TRPA1: variants seen among roughly 807,000 people sequenced by gnomAD.
The protein encoded by TRPA1 is ankyrin-like with transmembrane domains 1.
In TRPA1, 129 loss-of-function variants were observed where a neutral mutation model predicts 131.3. The ratio of observed to expected loss-of-function variants is 0.98; its 90% CI spans 0.85 to 1.14. The LOEUF is 1.14. TRPA1 is among the 50% of genes most tolerant of loss of function. The pLI, the probability that TRPA1 is intolerant of heterozygous loss-of-function variation, is 0.00. For synonymous variants in TRPA1, 441 were observed against 451.7 expected, an observed-to-expected ratio of 0.98 and a Z score of 0.30; for missense variants, 1,304 against 1,354.2, an observed-to-expected ratio of 0.96 and a Z score of 0.58.
At chr8:72,083,967 G>C in the TRPA1 span, among the ~76,000 whole-genome samples, 5,843 of 152,008 alleles carry the variant, frequency 0.038, 379 homozygotes, top group African/African-American at 0.13. Flanking sequence ...TCAGTGAGTC[G>C]AAAGCTGGGT....
chr8:72,066,027 C>T (rs1200793103), intron 3 of TRPA1, among the ~76,000 whole-genome samples: 1 of 151,934 alleles, frequency 6.6e-6, no homozygotes, highest in East Asian at 1.9e-4. Context: ...TTTTTTTCTC[C>T]TCCAGTTATT....
At chr8:72,066,641 G>A (rs1463959156) in intron 3 of TRPA1, among the ~76,000 whole-genome samples, 1 of 152,126 alleles carries the variant, frequency 6.6e-6, no homozygotes, top group Non-Finnish European at 1.5e-5. Flanking sequence ...ACGGATTAAG[G>A]GAAATGAGAA....
intron 19 of TRPA1, 123 bp from the exon 20 acceptor site, chr8:72,038,195 CTT>C: frequency 5.2e-6 from 3 of 574,488 alleles, no homozygotes; most frequent in Non-Finnish European, 9.3e-6. Flanking sequence ...ATACTGTCCA[CTT>C]TGAGTTAAAC....
At chr8:72,042,158 G>C (rs1585856658) in intron 17 of TRPA1, among the ~76,000 whole-genome samples, 1 of 151,810 alleles carries the variant, frequency 6.6e-6, no homozygotes, top group South Asian at 2.1e-4. Flanking sequence ...CTTATAAGGA[G>C]TTAATATCCA....
At chr8:72,058,241 A>G (rs1585878900) in intron 8 of TRPA1, among the ~76,000 whole-genome samples, 1 of 152,154 alleles carries the variant, frequency 6.6e-6, no homozygotes, top group East Asian at 1.9e-4. Context: ...TTTTTTTAAA[A>G]ATCCTATTTT....
At chr8:72,073,933 C>T (rs376254660) in intron 1 of TRPA1, among the ~76,000 whole-genome samples, 18 of 152,174 alleles carry the variant, frequency 1.2e-4, no homozygotes, top group Non-Finnish European at 2.9e-5. Flanking sequence ...TGTCAACAGA[C>T]TCACCTTGGG....
chr8:72,064,030 TA>T (rs946819694), intron 4 of TRPA1, among the ~76,000 whole-genome samples: 7 of 152,112 alleles, frequency 4.6e-5, no homozygotes, highest in African/African-American at 1.7e-4. Context: ...GTTTCCTAAC[TA>T]AAAAGATGTT....
upstream of TRPA1, among the ~76,000 whole-genome samples, chr8:72,076,336 C>G (rs1413032131): frequency 1.3e-5 from 2 of 152,158 alleles, no homozygotes; most frequent in Admixed American, 6.5e-5. Flanking sequence ...AAGTGTCAAT[C>G]GAAGTGTCTC....
chr8:72,036,030 AGAAG>A (rs796491422), intron 21 of TRPA1, among the ~76,000 whole-genome samples: 15 of 123,470 alleles, frequency 1.2e-4, no homozygotes, highest in African/African-American at 3.4e-4. Context: ...AAAAAAAAAA[AGAAG>A]AAGAAGAAGA....
At chr8:72,025,895 A>G in intron 25 of TRPA1, 65 bp downstream of exon 25, 1 of 1,397,694 alleles carries the variant, frequency 7.2e-7, no homozygotes, top group South Asian at 1.2e-5. Context: ...CCTTAGGGTT[A>G]ACACAATGAA....
chr8:72,078,316 A>G (rs1050928686), upstream of TRPA1, among the ~76,000 whole-genome samples: 1 of 152,162 alleles, frequency 6.6e-6, no homozygotes, highest in African/African-American at 2.4e-5. Context: ...AAATTTATAC[A>G]AGTATACAAC....
intron 15 of TRPA1, among the ~76,000 whole-genome samples, chr8:72,050,234 G>GT (rs1438678284): frequency 1.3e-5 from 2 of 152,056 alleles, no homozygotes; most frequent in African/African-American, 4.8e-5. Context: ...CAGAATGATG[G>GT]TTTCCAGCTT....
In TRPA1 at chr8:72,033,724, C is replaced by A; in HGVS notation, c.2788G>T (p.Glu930Ter). 1 of 1,614,018 alleles carries A rather than the reference C, an allele frequency of 6.2e-7. No individual in the cohort carries two copies. The highest frequency in any genetic ancestry group is 8.5e-7 in the Non-Finnish European group (1 of 1,179,964). Residue 930 changes from glutamate (E) to a stop codon, truncating the protein, a stop_gained, in exon 23 of 27, where the codon GAA (glutamate) becomes TAA (stop). Coordinates refer to ENST00000262209, the MANE Select transcript of TRPA1 (RefSeq NM_007332.3). LOFTEE classifies it high-confidence loss of function. ...ESFLEPYLRNELAHPVLSFAQ... is the reference protein window; with the variant it reads ...ESFLEPYLRN ...AAGGACAGAACTGGATGTGCCAATT[C>A]ATTTCTCAGATATGGTTCTAGGAAG...
At chr8:72,079,991 C>T (rs1806258596), upstream of TRPA1, among the ~76,000 whole-genome samples, 1 of 151,894 alleles carries the variant, frequency 6.6e-6, no homozygotes, top group Admixed American at 6.6e-5. Flanking sequence ...ATTGAATTTT[C>T]CAAGTGATCT....
chr8:72,048,748 G>C (rs1255082067), intron 15 of TRPA1, among the ~76,000 whole-genome samples: 1 of 152,096 alleles, frequency 6.6e-6, no homozygotes, highest in African/African-American at 2.4e-5. Context: ...CAATATAAAA[G>C]TAATTAAGTC....
Position 72,055,288 on chromosome 8 carries a change from T to A in TRPA1, c.1529+148A>T. 10 of 683,432 alleles carry A rather than the reference T, an allele frequency of 1.5e-5. No individual in the cohort carries two copies. In the South Asian group the frequency reaches 1.6e-4, roughly 11 times the overall value. 42.3% of individuals were successfully genotyped at this position (683,432 alleles called of 1,614,324 possible). Reference sequence around the variant, plus strand: ...ACTTCCCTTTCAGTATTTTTAGAAGTTACATATGTTTTGATGAAAAAATAA... The same window carrying A: ...ACTTCCCTTTCAGTATTTTTAGAAGATACATATGTTTTGATGAAAAAATAA... On this transcript the variant is annotated intron_variant, in intron 12 of 26. Transcript: ENST00000262209.
Position 72,053,734 on chromosome 8 carries a change from T to C in TRPA1, c.1644+19A>G, listed in dbSNP as rs931842933. On this transcript the variant is annotated intron_variant, in intron 13 of 26. Coordinates refer to ENST00000262209, the MANE Select transcript of TRPA1 (RefSeq NM_007332.3). Reference sequence around the variant, plus strand: ...GCTATATTGAGATTTTGGGTAAGCATGAGGACCGCAGTACATACCCCGTCT... The same window carrying C: ...GCTATATTGAGATTTTGGGTAAGCACGAGGACCGCAGTACATACCCCGTCT... The C allele has an allele frequency of 2.5e-6, 4 of 1,578,982 alleles. No homozygotes were observed. Among genetic ancestry groups the C allele is most frequent in the South Asian group, 1.1e-5 (1 of 89,698 alleles).
upstream of TRPA1, among the ~76,000 whole-genome samples, chr8:72,078,457 C>A (rs1806229913): frequency 6.6e-6 from 1 of 152,098 alleles, no homozygotes; most frequent in Admixed American, 6.5e-5. Context: ...CACTTTCTAT[C>A]TCTATAGTTT....
upstream of TRPA1, among the ~76,000 whole-genome samples, chr8:72,080,465 T>G (rs1806268002): frequency 6.6e-6 from 1 of 151,760 alleles, no homozygotes; most frequent in Non-Finnish European, 1.5e-5. Flanking sequence ...TGTTACTGGA[T>G]TCAGGTTGCT....
Sources: allele counts gnomAD v4.1 joint callset (sites outside exome capture counted in the v4.1 genomes callset), GRCh38; gene constraint gnomAD v4.1.1; transcripts MANE v1.5; gene names NCBI Gene and HGNC (gene_info 2026-07-23, HGNC 2026-07-21).